The following UHMK1 variants were observed in gnomAD, a reference collection of about 807,000 sequenced individuals.
UHMK1 encodes serine/threonine-protein kinase Kist.
UHMK1 carries 18 observed loss-of-function variants against 44.0 expected under a neutral mutation model. The ratio of observed to expected loss-of-function variants is 0.41; its 90% CI spans 0.28 to 0.61. UHMK1 has a LOEUF of 0.61. UHMK1 is among the 20% of genes least tolerant of loss of function. UHMK1 has a pLI of 0.31. For synonymous variants in UHMK1, 231 were observed against 198.5 expected (o/e 1.16, Z -1.38); for missense variants, 463 against 522.5 (o/e 0.89, Z 1.11).
In UHMK1 at chr1:162,524,031, C is replaced by G. The variant is rs1428940622; in HGVS notation, c.*1481C>G. ...CTTTAAAGATATAAAAATTAGGATG[C>G]CTTTATGAAGCACTGATTATACCAA... On this transcript the variant is annotated 3_prime_UTR_variant, in exon 8 of 8. Transcript: ENST00000489294. 6.6e-6 allele frequency: 1 copy of G among 151,644 alleles called. No individual in the cohort carries two copies. The highest frequency in any genetic ancestry group is 1.5e-5 in the Non-Finnish European group (1 of 67,936). The allele number at this position is 151,644 out of a possible 1,614,324, so 9.4% of individuals were successfully genotyped here.
At chr1:162,507,461 T>A (rs561694338) in intron 4 of UHMK1, among the ~76,000 whole-genome samples, 5 of 152,080 alleles carry the variant, frequency 3.3e-5, no homozygotes, top group African/African-American at 1.2e-4. Flanking sequence ...TCCTTTCTTT[T>A]TTTAAGAGAC....
intron 4 of UHMK1, among the ~76,000 whole-genome samples, chr1:162,504,122 G>C (rs1388906875): frequency 6.6e-6 from 1 of 152,068 alleles, no homozygotes; most frequent in Admixed American, 6.6e-5. Flanking sequence ...ATGGAAAGCA[G>C]GTTTTTAAAG....
chr1:162,499,561 A>G (rs760629167), intron 1 of UHMK1, among the ~76,000 whole-genome samples: 13 of 152,104 alleles, frequency 8.5e-5, no homozygotes, highest in South Asian at 8.3e-4. Context: ...TTGGGTTTTT[A>G]CTTTTAAAAA....
chr1:162,528,645 T>C lies in UHMK1; in HGVS notation c.*6095T>C, dbSNP rs1162134841. On this transcript the variant is annotated 3_prime_UTR_variant, in exon 8 of 8. Coordinates refer to ENST00000489294, the MANE Select transcript of UHMK1 (RefSeq NM_175866.5). ...CTAGCTGCAAAGTCACAGCACCTTA[T>C]GGAAATAAGTATGTTTATTATAATA... The C allele has an allele frequency of 1.4e-5, 2 of 144,334 alleles. No individual in the cohort carries two copies. Among genetic ancestry groups the C allele is most frequent in the Admixed American group, 1.4e-4 (2 of 13,954 alleles). The allele number at this position is 144,334 out of a possible 1,614,324, so 8.9% of individuals were successfully genotyped here.
At chr1:162,499,916 T>C in intron 1 of UHMK1, 39 bp from the exon 2 acceptor site, 1 of 1,599,180 alleles carries the variant, frequency 6.3e-7, no homozygotes, top group Non-Finnish European at 8.5e-7. Context: ...TGACTTACTC[T>C]GAGTCTGATT....
intron 6 of UHMK1, among the ~76,000 whole-genome samples, chr1:162,515,786 G>A (rs1373328688): frequency 6.6e-6 from 1 of 151,908 alleles, no homozygotes; most frequent in East Asian, 1.9e-4. Context: ...TGTAATCCTA[G>A]CATTTTGGGA....
chr1:162,510,372 T>A (rs2101677544), intron 4 of UHMK1, among the ~76,000 whole-genome samples: 1 of 152,280 alleles, frequency 6.6e-6, no homozygotes, highest in Middle Eastern at 3.4e-3. Context: ...CCCAAACTCC[T>A]CTCTCCTCTA....
At chr1:162,510,239 A>G (rs538698130) in intron 4 of UHMK1, among the ~76,000 whole-genome samples, 81 of 152,298 alleles carry the variant, frequency 5.3e-4, no homozygotes, top group Non-Finnish European at 6.6e-4. Flanking sequence ...TTCACTCCCT[A>G]TGTTTTTCAA....
chr1:162,504,787 T>C lies in UHMK1; in HGVS notation c.848+939T>C, dbSNP rs1651408786. On this transcript the variant is annotated intron_variant, in intron 4 of 7. Coordinates refer to ENST00000489294, the MANE Select transcript of UHMK1 (RefSeq NM_175866.5). ...AATTTATTTTAAAATTTTTTCTCCTTTTTTTGAGACAGAGTCACACTCCAT... is the reference window on the plus strand; with the variant it reads ...AATTTATTTTAAAATTTTTTCTCCTCTTTTTGAGACAGAGTCACACTCCAT... Among the ~76,000 whole-genome samples, 3 of 152,140 alleles carry C rather than the reference T, an allele frequency of 2.0e-5. No homozygotes were observed. The South Asian group carries it at 6.2e-4, about 31-fold the overall frequency.
upstream of UHMK1, chr1:162,497,784 T>A (rs1651101624): frequency 2.6e-6 from 3 of 1,159,734 alleles, no homozygotes; most frequent in Non-Finnish European, 3.3e-6. Flanking sequence ...TCCTTCGGCC[T>A]GTATGATAGG....
chr1:162,521,104 G>A (rs1461915512), intron 7 of UHMK1, among the ~76,000 whole-genome samples: 1 of 152,112 alleles, frequency 6.6e-6, no homozygotes, highest in East Asian at 1.9e-4. Context: ...AGTTGTCGAA[G>A]CCATTCTTCA....
intron 4 of UHMK1, among the ~76,000 whole-genome samples, chr1:162,510,241 GT>G (rs1161104326): frequency 6.6e-6 from 1 of 152,140 alleles, no homozygotes; most frequent in East Asian, 1.9e-4. Flanking sequence ...CACTCCCTAT[GT>G]TTTTCAAGAA....
intron 3 of UHMK1, 109 bp downstream of exon 3, chr1:162,501,213 A>C: frequency 8.8e-7 from 1 of 1,139,120 alleles, no homozygotes. Flanking sequence ...TCTTTCACCC[A>C]GGCTGGAGTG....
intron 4 of UHMK1, among the ~76,000 whole-genome samples, chr1:162,506,931 T>G (rs1193639190): frequency 6.6e-6 from 1 of 152,192 alleles, no homozygotes; most frequent in East Asian, 1.9e-4. Flanking sequence ...TTTTCTTCCA[T>G]GTATAGTAAT....
chr1:162,502,994 A>G (rs1000807438), intron 3 of UHMK1, among the ~76,000 whole-genome samples: 5 of 152,246 alleles, frequency 3.3e-5, no homozygotes, highest in East Asian at 1.9e-4. Flanking sequence ...GTGAGTTAGC[A>G]TAGTATTCAA....
At position 162,518,175 on chromosome 1, in the gene UHMK1, T is replaced by C. The variant is rs528334907; in HGVS notation, c.1098T>C (p.Asn366=). 6.2e-7 allele frequency: 1 copy of C among 1,611,946 alleles called. No individual in the cohort carries two copies. Among genetic ancestry groups the C allele is most frequent in the Non-Finnish European group, 8.5e-7 (1 of 1,178,276 alleles). ...TATCTCTACTTGTTCCAAAGGAAAA[T>C]CCTGGCAGAGGACAAGTAAGTGAAT... The part of the protein sequence containing the change: ...PVVSLLVPKE[N]PGRGQVFVEY... Residue 366 remains asparagine, a synonymous_variant, in exon 7 of 8, where the codon AAT becomes AAC. Coordinates refer to ENST00000489294, the MANE Select transcript of UHMK1 (RefSeq NM_175866.5).
Position 162,512,723 on chromosome 1 carries a change from A to G in UHMK1, c.926-2A>G. ...TAACCATATTATGATGAATTTTAAC[A>G]GCCCCTCATATTGAAGATCTGGTCA... On this transcript the variant is annotated splice_acceptor_variant, in intron 5 of 7. Transcript: ENST00000489294. LOFTEE classifies it high-confidence loss of function. The G allele has an allele frequency of 6.2e-7, 1 of 1,613,890 alleles. No individual in the cohort carries two copies. Among genetic ancestry groups the G allele is most frequent in the South Asian group, 1.1e-5 (1 of 91,032 alleles).
chr1:162,516,147 C>T (rs1006676829), intron 6 of UHMK1, among the ~76,000 whole-genome samples: 2 of 152,070 alleles, frequency 1.3e-5, no homozygotes, highest in Non-Finnish European at 1.5e-5. Context: ...TTTAAATACA[C>T]GGAGTCTTTA....
chr1:162,525,928 ATACT>A lies in UHMK1; in HGVS notation c.*3381_*3384del, dbSNP rs1368333403. 3 of 152,186 alleles carry A rather than the reference ATACT, an allele frequency of 2.0e-5. No individual in the cohort carries two copies. Among genetic ancestry groups the A allele is most frequent in the Admixed American group, 6.6e-5 (1 of 15,260 alleles). 9.4% of individuals were successfully genotyped at this position (152,186 alleles called of 1,614,324 possible). On this transcript the variant is annotated 3_prime_UTR_variant, in exon 8 of 8. Transcript: ENST00000489294. ...TTATTTTTTAAAAGAAAATCTCCAA[ATACT>A]TATTTAACTTGTCTTCTAGATTCAT...
Sources: gnomAD v4.1 joint callset for allele counts (sites outside exome capture counted in the v4.1 genomes callset) on GRCh38, gnomAD v4.1.1 for gene constraint, MANE v1.5 for transcripts, NCBI Gene and HGNC (gene_info 2026-07-23, HGNC 2026-07-21) for gene names.